Variants in UBE2G1 observed in about 807,000 individuals in gnomAD.
UBE2G1 encodes the protein ubiquitin-conjugating enzyme E2 G1.
UBE2G1 carries 5 observed loss-of-function variants against 22.7 expected under a neutral mutation model. That is an observed-to-expected ratio of 0.22 (90% CI 0.12 to 0.46). The LOEUF is 0.46. Ranked by LOEUF, UBE2G1 falls within the 20% of genes least tolerant of loss-of-function variation. The probability of loss-of-function intolerance (pLI) is 0.99; values close to 1 mark genes in which losing one functional copy is unlikely to be tolerated. For missense variants in UBE2G1, 88 were observed against 203.9 expected, an observed-to-expected ratio of 0.43 and a Z score of 3.46; for synonymous variants, 74 against 67.5, an observed-to-expected ratio of 1.10 and a Z score of -0.47.
At chr17:4,305,056 G>A (rs983721652) in intron 2 of UBE2G1, among the ~76,000 whole-genome samples, 1 of 151,150 alleles carries the variant, frequency 6.6e-6, no homozygotes, top group African/African-American at 2.4e-5. Context: ...GGATTCAAGC[G>A]ATTCTCCTGC....
At chr17:4,364,601 AAC>A (rs1289540597) in intron 1 of UBE2G1, 1 of 133,646 alleles carries the variant, frequency 7.5e-6, no homozygotes, top group Admixed American at 7.5e-5. Context: ...CTTTTTTTTG[AAC>A]AGAGTCTCGC....
chr17:4,304,219 C>T (rs1046093714), intron 2 of UBE2G1, among the ~76,000 whole-genome samples: 7 of 152,032 alleles, frequency 4.6e-5, no homozygotes, highest in Non-Finnish European at 2.9e-5. Context: ...AGCTGGTCTC[C>T]AACGTCTGAG....
intron 3 of UBE2G1, among the ~76,000 whole-genome samples, chr17:4,291,897 C>T (rs1969046381): frequency 6.6e-6 from 1 of 152,142 alleles, no homozygotes; most frequent in Admixed American, 6.5e-5. Context: ...AATGTCTGTT[C>T]TTATCCTTTA....
intron 4 of UBE2G1, among the ~76,000 whole-genome samples, chr17:4,285,766 A>G (rs1968955760): frequency 6.6e-6 from 1 of 152,100 alleles, no homozygotes; most frequent in Non-Finnish European, 1.5e-5. Context: ...CCTGGCCAAC[A>G]TGGTGAAACC....
At chr17:4,362,253 T>C (rs1450357913) in intron 1 of UBE2G1, among the ~76,000 whole-genome samples, 1 of 152,208 alleles carries the variant, frequency 6.6e-6, no homozygotes, top group African/African-American at 2.4e-5. Context: ...TCTGATTTCA[T>C]GAATCTGTTA....
At chr17:4,361,408 G>A (rs915347310) in intron 1 of UBE2G1, among the ~76,000 whole-genome samples, 9 of 151,714 alleles carry the variant, frequency 5.9e-5, no homozygotes, top group South Asian at 2.1e-4. Flanking sequence ...GCACCTGTAA[G>A]CCCAGCTACT....
intron 1 of UBE2G1, among the ~76,000 whole-genome samples, chr17:4,351,728 C>G (rs1176063613): frequency 6.6e-6 from 1 of 151,864 alleles, no homozygotes; most frequent in Non-Finnish European, 1.5e-5. Context: ...CTGCTAAATA[C>G]AAAAAAATAG....
In UBE2G1 at chr17:4,366,364, G is replaced by C; in HGVS notation, c.-48C>G. The C allele has an allele frequency of 6.7e-7, 1 of 1,490,798 alleles. No homozygotes were observed. Among genetic ancestry groups the C allele is most frequent in the Non-Finnish European group, 8.9e-7 (1 of 1,129,298 alleles). 92.3% of individuals were successfully genotyped at this position (1,490,798 alleles called of 1,614,324 possible). A position where few individuals can be genotyped will look rare whatever the true frequency, so the allele number is the denominator to read the frequency against. ...TGGCGCCGGGGCTTCCGAAGGGCTG[G>C]GGACAGGCTCTGGGGGCGGCTGGAG... On this transcript the variant is annotated 5_prime_UTR_variant, in exon 1 of 6. Transcript: ENST00000396981.
chr17:4,272,924 G>A (rs775365643), intron 5 of UBE2G1, among the ~76,000 whole-genome samples: 97 of 152,278 alleles, frequency 6.4e-4, no homozygotes, highest in Non-Finnish European at 7.1e-4. Context: ...AGATTTAAAA[G>A]CCAAGTGATT....
At chr17:4,349,703 C>T (rs1597265066) in intron 1 of UBE2G1, among the ~76,000 whole-genome samples, 1 of 151,702 alleles carries the variant, frequency 6.6e-6, no homozygotes, top group Middle Eastern at 3.4e-3. Context: ...ATTAGCCGGG[C>T]GTGGTGGCAT....
At chr17:4,315,767 C>G (rs1292670556) in intron 1 of UBE2G1, among the ~76,000 whole-genome samples, 3 of 137,748 alleles carry the variant, frequency 2.2e-5, no homozygotes, top group African/African-American at 8.3e-5. Context: ...AAAACAAAAA[C>G]AAACAAACAA....
chr17:4,360,321 T>G (rs1315607405), intron 1 of UBE2G1, among the ~76,000 whole-genome samples: 1 of 152,200 alleles, frequency 6.6e-6, no homozygotes, highest in Admixed American at 6.5e-5. Context: ...AAAGAGTGCT[T>G]AATTAATACT....
intron 1 of UBE2G1, among the ~76,000 whole-genome samples, chr17:4,315,602 T>C (rs1452033649): frequency 1.3e-5 from 2 of 150,068 alleles, no homozygotes; most frequent in East Asian, 2.0e-4. Context: ...TAGCCGGGCG[T>C]GGTGGCGGGC....
At chr17:4,297,001 T>C (rs904918466) in intron 2 of UBE2G1, among the ~76,000 whole-genome samples, 187 bp from the exon 3 acceptor site, 1 of 152,210 alleles carries the variant, frequency 6.6e-6, no homozygotes, top group Non-Finnish European at 1.5e-5. Context: ...GGCTATCACA[T>C]TGATTAAACT....
At chr17:4,350,960 G>A (rs974109088) in intron 1 of UBE2G1, among the ~76,000 whole-genome samples, 9 of 150,126 alleles carry the variant, frequency 6.0e-5, no homozygotes, top group African/African-American at 2.0e-4. Flanking sequence ...GTGAACTCGG[G>A]AGGCAGAGCT....
chr17:4,323,057 T>C (rs1212650450), intron 1 of UBE2G1, among the ~76,000 whole-genome samples: 1 of 152,236 alleles, frequency 6.6e-6, no homozygotes, highest in African/African-American at 2.4e-5. Flanking sequence ...CTTCTGCTGA[T>C]AGCGAGACTG....
chr17:4,353,447 T>TTA (rs1411774265), intron 1 of UBE2G1, among the ~76,000 whole-genome samples: 3 of 129,412 alleles, frequency 2.3e-5, no homozygotes, highest in African/African-American at 1.2e-4. Flanking sequence ...AGAGTTTCGT[T>TTA]GATATATATA....
chr17:4,282,983 ATTTAT>A (rs1199051045), intron 4 of UBE2G1, 62 bp from the exon 5 acceptor site: 1 of 1,292,326 alleles, frequency 7.7e-7, no homozygotes, highest in South Asian at 1.3e-5. Flanking sequence ...AATCTCAAAT[ATTTAT>A]TTTAATTTTG....
At chr17:4,324,444 C>T (rs951859612) in intron 1 of UBE2G1, among the ~76,000 whole-genome samples, 1 of 152,108 alleles carries the variant, frequency 6.6e-6, no homozygotes, top group Admixed American at 6.6e-5. Context: ...ATGAATTTTA[C>T]CTATCTTTTT....
Sources: allele counts gnomAD v4.1 joint callset (sites outside exome capture counted in the v4.1 genomes callset), GRCh38; gene constraint gnomAD v4.1.1; transcripts MANE v1.5; gene names NCBI Gene and HGNC (gene_info 2026-07-23, HGNC 2026-07-21).